The following CEP85 variants were observed in gnomAD, a reference collection of about 807,000 sequenced individuals.
CEP85 encodes centrosomal protein 85.
CEP85 carries 58 observed loss-of-function variants against 93.7 expected under a neutral mutation model. That is an observed-to-expected ratio of 0.62 (90% CI 0.50 to 0.77). CEP85 has a LOEUF of 0.77. Ranked by LOEUF, CEP85 falls within the 30% of genes least tolerant of loss-of-function variation. The probability of loss-of-function intolerance (pLI) is 0.00; values close to 1 mark genes in which losing one functional copy is unlikely to be tolerated. For missense variants in CEP85, 868 were observed against 922.0 expected (o/e 0.94, Z 0.76); for synonymous variants, 314 against 338.6 (o/e 0.93, Z 0.80).
At chr1:26,241,172 G>T (rs1292246003) in intron 2 of CEP85, among the ~76,000 whole-genome samples, 1 of 151,200 alleles carries the variant, frequency 6.6e-6, no homozygotes, top group East Asian at 1.9e-4. Flanking sequence ...TATTCTCTTA[G>T]GCATGCTGCC....
At chr1:26,258,974 A>G (rs1557660033) in intron 6 of CEP85, among the ~76,000 whole-genome samples, 1 of 152,104 alleles carries the variant, frequency 6.6e-6, no homozygotes, top group Non-Finnish European at 1.5e-5. Context: ...GTGGGGCTTT[A>G]GAGTTTGAAA....
chr1:26,253,026 C>T (rs774708111), intron 3 of CEP85, among the ~76,000 whole-genome samples: 2 of 152,086 alleles, frequency 1.3e-5, no homozygotes, highest in Admixed American at 6.6e-5. Context: ...GCTTATTTCT[C>T]TTAGTGTCCT....
chr1:26,275,762 C>T (rs2090045169), intron 12 of CEP85, among the ~76,000 whole-genome samples: 2 of 152,126 alleles, frequency 1.3e-5, no homozygotes, highest in Non-Finnish European at 2.9e-5. Flanking sequence ...GAAGGAACCT[C>T]CTTGAGTTAG....
chr1:26,261,037 C>T (rs1480169265), intron 7 of CEP85, among the ~76,000 whole-genome samples: 2 of 151,704 alleles, frequency 1.3e-5, no homozygotes, highest in African/African-American at 4.8e-5. Flanking sequence ...GTGATCCACC[C>T]ACCTCAGCCT....
Position 26,275,005 on chromosome 1 carries a change from G to A in CEP85, c.1836G>A (p.Gln612=). 4 of 1,585,976 alleles carry A rather than the reference G, an allele frequency of 2.5e-6. No individual in the cohort carries two copies. Among genetic ancestry groups the A allele is most frequent in the Non-Finnish European group, 3.4e-6 (4 of 1,166,064 alleles). The change falls in exon 12 of 14, where the codon CAG becomes CAA. Residue 612 remains glutamine, a synonymous_variant. Coordinates refer to ENST00000451429, the MANE Select transcript of CEP85 (RefSeq NM_001319944.2). ...QEVAQEEGTS[Q]ALREEAQRRD... is the part of the protein sequence containing the mutation. ...TGGCTCAAGAAGAAGGAACAAGCCA[G>A]GCCCTGAGAGAGGAGGCCCAGCGAA... is the stretch of plus-strand genomic sequence containing the variant.
chr1:26,235,587 T>TTTTTTTTTTTTG (rs61482955), intron 1 of CEP85, among the ~76,000 whole-genome samples: 1 of 149,298 alleles, frequency 6.7e-6, no homozygotes, highest in Non-Finnish European at 1.5e-5. Flanking sequence ...TTTTTTTTTT[T>TTTTTTTTTTTTG]GTGAGACGGA....
At chr1:26,242,324 T>G (rs2089440858) in intron 2 of CEP85, among the ~76,000 whole-genome samples, 1 of 152,188 alleles carries the variant, frequency 6.6e-6, no homozygotes, top group Non-Finnish European at 1.5e-5. Flanking sequence ...GAAAAAGCTG[T>G]GTAGACTCAC....
intron 3 of CEP85, among the ~76,000 whole-genome samples, chr1:26,248,761 C>T (rs1328860038): frequency 3.7e-5 from 4 of 107,256 alleles, no homozygotes; most frequent in Non-Finnish European, 7.1e-5. Context: ...GAGTCTCGCT[C>T]TGTTGCCCAG....
At position 26,276,619 on chromosome 1, in the gene CEP85, TCAC is replaced by T; in HGVS notation, c.1990_1992del (p.Pro664del). 6.2e-7 allele frequency: 1 copy of T among 1,614,216 alleles called. No homozygotes were observed. Among genetic ancestry groups the T allele is most frequent in the Non-Finnish European group, 8.5e-7 (1 of 1,180,028 alleles). ...CCAGGCCCAACCAGGGTCTCCACCT[TCAC>T]CAGACACGGCCCAGCTGGCACTTGA... On this transcript the variant is annotated inframe_deletion, in exon 13 of 14. Coordinates refer to ENST00000451429, the MANE Select transcript of CEP85 (RefSeq NM_001319944.2).
rs551933462 is a variant in CEP85 at position 26,260,749 on chromosome 1, A to G, written c.1341+947A>G. ...CACTTGGGGATCTTGTTAAAAATGT[A>G]CATCAGATTCATAGTTCTAGGAGGA... On this transcript the variant is annotated intron_variant, in intron 7 of 13. Transcript: ENST00000451429. 2.6e-5 allele frequency among the ~76,000 whole-genome samples: 4 copies of G among 151,992 alleles called. No individual in the cohort carries two copies. The East Asian group carries it at 7.7e-4, about 29-fold the overall frequency.
intron 1 of CEP85, among the ~76,000 whole-genome samples, chr1:26,236,792 A>T (rs544804075): frequency 5.3e-5 from 8 of 152,238 alleles, no homozygotes; most frequent in Non-Finnish European, 1.2e-4. Context: ...AGTCAAATAC[A>T]TGTAAGATTT....
rs767661799 is a variant in CEP85, at chr1:26,277,170, G to A, written c.2163G>A (p.Lys721=). ...CAGAGACTCAGCTAGATTTGCAGAA[G>A]CCAGATGTGATCAAGAGGAAACTAG... ...QHPETQLDLQ[K]PDVIKRKLEE... Residue 721 remains lysine, a synonymous_variant, in exon 14 of 14, where the codon AAG becomes AAA. Coordinates refer to ENST00000451429, the MANE Select transcript of CEP85 (RefSeq NM_001319944.2). 94 of 1,614,046 alleles carry A rather than the reference G, an allele frequency of 5.8e-5. No homozygotes were observed. Among genetic ancestry groups the A allele is most frequent in the Non-Finnish European group, 7.3e-5 (86 of 1,180,000 alleles).
rs1304143338 is a variant in CEP85, at chr1:26,268,626, G to C, written c.1485G>C (p.Gln495His). 2 of 1,608,696 alleles carry C rather than the reference G, an allele frequency of 1.2e-6. No homozygotes were observed. The highest frequency in any genetic ancestry group is 1.7e-6 in the Non-Finnish European group (2 of 1,177,752). The stretch of plus-strand genomic sequence containing the variant: ...CCACACTGGAAGACCATCAGAAGCA[G>C]AGCCAGCAGGTAGCAGCAATGTCTT... ...DLPTLEDHQK[Q>H]SQQLKDSELK... Residue 495 changes from glutamine to histidine, a missense_variant, in exon 8 of 14, where the codon CAG (glutamine) becomes CAC (histidine). Gln to His is a conservative substitution (Grantham distance 24). Transcript: ENST00000451429.
intron 6 of CEP85, 70 bp from the exon 7 acceptor site, chr1:26,259,547 C>T (rs2089773362): frequency 7.3e-7 from 1 of 1,363,696 alleles, no homozygotes. Flanking sequence ...GTGAAGTATG[C>T]TGGGAATAAG....
At chr1:26,253,404 T>A (rs1216089140) in intron 3 of CEP85, among the ~76,000 whole-genome samples, 2 of 151,056 alleles carry the variant, frequency 1.3e-5, no homozygotes, top group Non-Finnish European at 3.0e-5. Flanking sequence ...TTTTTTTTTT[T>A]TTTGAGATGG....
At chr1:26,261,201 C>T (rs181683424) in intron 7 of CEP85, among the ~76,000 whole-genome samples, 5 of 151,396 alleles carry the variant, frequency 3.3e-5, no homozygotes, top group Non-Finnish European at 5.9e-5. Flanking sequence ...GGCTGGGCGC[C>T]GTGGCTCATG....
chr1:26,252,562 T>G (rs564846700), intron 3 of CEP85, among the ~76,000 whole-genome samples: 1 of 152,204 alleles, frequency 6.6e-6, no homozygotes, highest in Admixed American at 6.5e-5. Flanking sequence ...TTGTATTGCT[T>G]ACTAGTCTTT....
intron 6 of CEP85, 102 bp downstream of exon 6, chr1:26,258,362 G>A (rs2089753121): frequency 4.0e-6 from 3 of 756,008 alleles, no homozygotes; most frequent in Non-Finnish European, 2.3e-6. Flanking sequence ...GAGCTCAAGT[G>A]ATGTAAGTGT....
Position 26,268,365 on chromosome 1 carries a change from G to C in CEP85, c.1342-118G>C, listed in dbSNP as rs2089922791. The C allele has an allele frequency of 2.7e-6, 3 of 1,111,830 alleles. No individual in the cohort carries two copies. In the South Asian group the frequency reaches 3.9e-5, roughly 15 times the overall value. The allele number at this position is 1,111,830 out of a possible 1,614,324, so 68.9% of individuals were successfully genotyped here. On this transcript the variant is annotated intron_variant, in intron 7 of 13. Coordinates refer to ENST00000451429, the MANE Select transcript of CEP85 (RefSeq NM_001319944.2). Reference sequence around the variant, plus strand: ...CCCAGCTACTCCAGGGGCTGAGGTAGGAGGATCACTTGAGCCTGGGAGGTG... The same window carrying C: ...CCCAGCTACTCCAGGGGCTGAGGTACGAGGATCACTTGAGCCTGGGAGGTG...
Sources: allele counts gnomAD v4.1 joint callset (sites outside exome capture counted in the v4.1 genomes callset), GRCh38; gene constraint gnomAD v4.1.1; transcripts MANE v1.5; gene names NCBI Gene and HGNC (gene_info 2026-07-23, HGNC 2026-07-21).